Variants in PTPRT observed in about 807,000 individuals in gnomAD.
PTPRT encodes receptor-type tyrosine-protein phosphatase T.
In PTPRT, 56 loss-of-function variants were observed where a neutral mutation model predicts 176.8. The observed-to-expected ratio is 0.32, with a 90% CI of 0.26 to 0.40. The LOEUF is 0.40. Among genes scored for constraint, PTPRT ranks in the 10% least tolerant of loss-of-function variants. The probability of loss-of-function intolerance (pLI) is 1.00; values close to 1 mark genes in which losing one functional copy is unlikely to be tolerated. For synonymous variants in PTPRT, 783 were observed against 739.0 expected, an observed-to-expected ratio of 1.06 and a Z score of -0.96; for missense variants, 1,540 against 1,908.2, an observed-to-expected ratio of 0.81 and a Z score of 3.60.
chr20:43,061,087 A>AATGGGTGG (rs1555825210), intron 1 of PTPRT, among the ~76,000 whole-genome samples: 31 of 149,914 alleles, frequency 2.1e-4, no homozygotes, highest in Non-Finnish European at 4.0e-4. Flanking sequence ...CGGATAAATG[A>AATGGGTGG]ATGGATGGAT....
intron 1 of PTPRT, among the ~76,000 whole-genome samples, chr20:43,004,997 A>T (rs1984778011): frequency 6.6e-6 from 1 of 152,172 alleles, no homozygotes; most frequent in African/African-American, 2.4e-5. Context: ...AGACAGATCC[A>T]AGGCTGCCTA....
At chr20:42,571,550 G>A (rs2073154254) in intron 7 of PTPRT, among the ~76,000 whole-genome samples, 1 of 152,204 alleles carries the variant, frequency 6.6e-6, no homozygotes, top group African/African-American at 2.4e-5. Flanking sequence ...ATTTGCTACA[G>A]CAGCAAGAGA....
At chr20:42,675,577 T>A (rs1372979754) in intron 7 of PTPRT, among the ~76,000 whole-genome samples, 1 of 152,230 alleles carries the variant, frequency 6.6e-6, no homozygotes, top group Non-Finnish European at 1.5e-5. Flanking sequence ...TAAGCAATCA[T>A]CTTCTTAAGC....
chr20:42,151,981 A>G (rs1454017935), intron 17 of PTPRT, among the ~76,000 whole-genome samples: 1 of 152,226 alleles, frequency 6.6e-6, no homozygotes. Flanking sequence ...ATTGTGGTCC[A>G]CGGGTTCAGT....
chr20:42,108,324 C>CTAT (rs1212444317), intron 23 of PTPRT, among the ~76,000 whole-genome samples: 20 of 152,174 alleles, frequency 1.3e-4, no homozygotes, highest in African/African-American at 4.8e-4. Context: ...AATCCTGGCT[C>CTAT]TATTACTTAT....
chr20:42,269,874 C>A (rs1023954160), intron 13 of PTPRT, among the ~76,000 whole-genome samples: 1 of 152,170 alleles, frequency 6.6e-6, no homozygotes, highest in Non-Finnish European at 1.5e-5. Context: ...ATAGTGAGAG[C>A]TTCTCATTTC....
At chr20:42,050,919 T>C in the PTPRT span, among the ~76,000 whole-genome samples, 10 of 152,172 alleles carry the variant, frequency 6.6e-5, no homozygotes, top group African/African-American at 2.4e-4. Flanking sequence ...CACAAATTTA[T>C]GAAAATAGCC....
At chr20:42,250,796 G>A (rs74539090) in intron 13 of PTPRT, among the ~76,000 whole-genome samples, 2,632 of 152,336 alleles carry the variant, frequency 0.017, 52 homozygotes, top group Middle Eastern at 0.054. Context: ...AAACTATGCT[G>A]TCTGTAGAGT....
At chr20:42,888,997 T>C (rs1314546229) in intron 1 of PTPRT, among the ~76,000 whole-genome samples, 2 of 152,224 alleles carry the variant, frequency 1.3e-5, no homozygotes, top group East Asian at 3.8e-4. Flanking sequence ...GGCTCACAGC[T>C]ATACCTCTAG....
intron 13 of PTPRT, among the ~76,000 whole-genome samples, chr20:42,280,911 G>C (rs2057128441): frequency 1.3e-5 from 2 of 151,964 alleles, no homozygotes; most frequent in Non-Finnish European, 1.5e-5. Context: ...CCCTCTAATA[G>C]AGCTTACATC....
chr20:42,982,762 A>C (rs916586629), intron 1 of PTPRT, among the ~76,000 whole-genome samples: 1 of 152,128 alleles, frequency 6.6e-6, no homozygotes, highest in Non-Finnish European at 1.5e-5. Flanking sequence ...CTCCTCTCCC[A>C]CACCCGCCCT....
chr20:42,836,677 G>C (rs911501160), intron 2 of PTPRT, among the ~76,000 whole-genome samples: 4 of 152,026 alleles, frequency 2.6e-5, no homozygotes, highest in African/African-American at 9.7e-5. Flanking sequence ...ATCCTTAATC[G>C]GCCACTGAAT....
chr20:42,578,901 T>G (rs868384811), intron 7 of PTPRT, among the ~76,000 whole-genome samples: 140 of 139,416 alleles, frequency 1.0e-3, no homozygotes, highest in African/African-American at 1.6e-3. Flanking sequence ...TTTTTTTTTT[T>G]TGGGGGGGGG....
chr20:43,148,121 G>A lies in PTPRT; in HGVS notation c.88+41525C>T, dbSNP rs2014229659. Among the ~76,000 whole-genome samples the A allele has an allele frequency of 2.0e-5, 3 of 152,036 alleles. No individual in the cohort carries two copies. In the South Asian group the frequency reaches 6.3e-4, roughly 32 times the overall value. On this transcript the variant is annotated intron_variant, in intron 1 of 30. Coordinates refer to ENST00000373187, the MANE Select transcript of PTPRT (RefSeq NM_007050.6). ...TTCCATACCCTGGGCTGGTTGGGTGGGGGGATCTGCCTCCATGTTTAACCT... is the reference window on the plus strand; with the variant it reads ...TTCCATACCCTGGGCTGGTTGGGTGAGGGGATCTGCCTCCATGTTTAACCT...
intron 7 of PTPRT, among the ~76,000 whole-genome samples, chr20:42,616,810 G>A (rs1457216989): frequency 7.3e-6 from 1 of 137,304 alleles, no homozygotes; most frequent in Non-Finnish European, 1.5e-5. Context: ...ATTTGCTGAA[G>A]TTGCTTAACA....
At chr20:42,995,364 A>T (rs955451668) in intron 1 of PTPRT, among the ~76,000 whole-genome samples, 4 of 152,210 alleles carry the variant, frequency 2.6e-5, no homozygotes, top group African/African-American at 9.6e-5. Flanking sequence ...AAAGCATTCT[A>T]GCAAGGGGAA....
chr20:42,588,822 T>C (rs1358662486), intron 7 of PTPRT, among the ~76,000 whole-genome samples: 1 of 152,148 alleles, frequency 6.6e-6, no homozygotes, highest in Non-Finnish European at 1.5e-5. Flanking sequence ...TAAGTGTTTA[T>C]TGTGTGCTGG....
At chr20:42,852,306 A>T (rs2078487040) in intron 2 of PTPRT, among the ~76,000 whole-genome samples, 1 of 152,120 alleles carries the variant, frequency 6.6e-6, no homozygotes, top group Non-Finnish European at 1.5e-5. Context: ...GTCTTCTTTT[A>T]TGTGCCTCTG....
At chr20:42,619,956 G>C (rs201517646) in intron 7 of PTPRT, among the ~76,000 whole-genome samples, 1,515 of 147,316 alleles carry the variant, frequency 0.01, 32 homozygotes, top group African/African-American at 0.037. Context: ...AAGTCATTCT[G>C]CATCCAGCTT....
Sources: allele counts gnomAD v4.1 joint callset (sites outside exome capture counted in the v4.1 genomes callset), GRCh38; gene constraint gnomAD v4.1.1; transcripts MANE v1.5; gene names NCBI Gene and HGNC (gene_info 2026-07-23, HGNC 2026-07-21).